IQCM: variants seen among roughly 807,000 people sequenced by gnomAD.
The protein encoded by IQCM is IQ motif containing M, also known as IQ domain-containing protein M.
In IQCM, 45 loss-of-function variants were observed where a neutral mutation model predicts 57.6. The ratio of observed to expected loss-of-function variants is 0.78; its 90% CI spans 0.62 to 1.00. The LOEUF is 1.00. Among genes scored for constraint, IQCM ranks in the 50% least tolerant of loss-of-function variants. IQCM has a pLI of 0.00. For missense variants in IQCM, 468 were observed against 511.6 expected (o/e 0.91, Z 0.82); for synonymous variants, 148 against 158.9 (o/e 0.93, Z 0.51).
chr4:149,717,687 G>A (rs140049751), intron 5 of IQCM, among the ~76,000 whole-genome samples: 202 of 152,282 alleles, frequency 1.3e-3, no homozygotes, highest in Admixed American at 3.8e-3. Flanking sequence ...AAATGTTAAT[G>A]GGTGAGGTTG....
chr4:149,493,676 T>G (rs187284130), intron 12 of IQCM, among the ~76,000 whole-genome samples: 1 of 152,218 alleles, frequency 6.6e-6, no homozygotes, highest in East Asian at 1.9e-4. Flanking sequence ...TACCCTTAGG[T>G]GACCTCTGCA....
chr4:149,453,639 G>A (rs1737368064), intron 12 of IQCM, among the ~76,000 whole-genome samples: 1 of 151,800 alleles, frequency 6.6e-6, no homozygotes, highest in Non-Finnish European at 1.5e-5. Flanking sequence ...TAGTCATCAG[G>A]TAAAGGTAAA....
intron 2 of IQCM, among the ~76,000 whole-genome samples, chr4:149,789,109 C>T (rs547317275): frequency 6.6e-6 from 1 of 152,134 alleles, no homozygotes; most frequent in South Asian, 2.1e-4. Context: ...CTATAGTTAA[C>T]AACAATGTAT....
intron 2 of IQCM, among the ~76,000 whole-genome samples, chr4:149,784,557 A>T (rs937378305): frequency 2.6e-5 from 4 of 152,084 alleles, no homozygotes; most frequent in African/African-American, 7.2e-5. Context: ...CTGGGACTAC[A>T]GGTGCCCGCC....
At chr4:149,414,229 A>C (rs1733587591) in intron 13 of IQCM, among the ~76,000 whole-genome samples, 1 of 152,168 alleles carries the variant, frequency 6.6e-6, no homozygotes, top group South Asian at 2.1e-4. Flanking sequence ...TCCTCTCTTC[A>C]TCCAATTGCT....
chr4:149,554,710 T>C (rs1348092313), intron 10 of IQCM, among the ~76,000 whole-genome samples: 2 of 151,882 alleles, frequency 1.3e-5, no homozygotes, highest in African/African-American at 4.8e-5. Context: ...TTCTTTCTTT[T>C]TTTTTTTGAG....
chr4:149,605,843 TG>T (rs926537118), intron 8 of IQCM, among the ~76,000 whole-genome samples: 22 of 151,818 alleles, frequency 1.4e-4, no homozygotes, highest in African/African-American at 4.4e-4. Context: ...GATTTCTGCT[TG>T]GGGGAAGGCA....
chr4:149,487,569 C>G (rs568145883), intron 12 of IQCM, among the ~76,000 whole-genome samples: 46 of 152,228 alleles, frequency 3.0e-4, no homozygotes, highest in African/African-American at 1.1e-3. Flanking sequence ...GGCACTTCAG[C>G]TCATGGTGGC....
At chr4:149,508,880 G>C (rs1159128689) in intron 12 of IQCM, among the ~76,000 whole-genome samples, 1 of 152,184 alleles carries the variant, frequency 6.6e-6, no homozygotes, top group Non-Finnish European at 1.5e-5. Context: ...GGAGGCAATT[G>C]AATCGTGGGG....
chr4:149,391,571 T>C (rs1048901618), intron 13 of IQCM, among the ~76,000 whole-genome samples: 2 of 151,944 alleles, frequency 1.3e-5, no homozygotes, highest in African/African-American at 2.4e-5. Flanking sequence ...TCTGGATTCA[T>C]AAGGTAGAAA....
At chr4:149,797,609 G>C (rs1773227194) in intron 2 of IQCM, among the ~76,000 whole-genome samples, 1 of 151,892 alleles carries the variant, frequency 6.6e-6, no homozygotes, top group Non-Finnish European at 1.5e-5. Flanking sequence ...TTAATACAAA[G>C]AAGACTACTT....
intron 7 of IQCM, among the ~76,000 whole-genome samples, chr4:149,650,781 G>A (rs974516350): frequency 1.3e-5 from 2 of 152,054 alleles, no homozygotes; most frequent in African/African-American, 4.8e-5. Flanking sequence ...CATCTTTTGC[G>A]GAAGTTTTAA....
intron 2 of IQCM, among the ~76,000 whole-genome samples, chr4:149,774,599 T>C (rs567352665): frequency 5.9e-4 from 89 of 152,050 alleles, no homozygotes; most frequent in African/African-American, 2.1e-3. Context: ...CCTATGCAAA[T>C]CAGACATGGC....
intron 2 of IQCM, among the ~76,000 whole-genome samples, chr4:149,763,848 C>CA (rs985990294): frequency 6.7e-6 from 1 of 148,416 alleles, no homozygotes; most frequent in African/African-American, 2.5e-5. Context: ...GAACAGGGAA[C>CA]TTTTTTTTTT....
At chr4:149,507,201 G>A (rs562947991) in intron 12 of IQCM, among the ~76,000 whole-genome samples, 2 of 152,246 alleles carry the variant, frequency 1.3e-5, no homozygotes, top group Non-Finnish European at 2.9e-5. Flanking sequence ...GCCCAGTCTT[G>A]GGTATGCCTT....
At chr4:149,667,933 G>A (rs934161183) in intron 7 of IQCM, among the ~76,000 whole-genome samples, 1 of 152,060 alleles carries the variant, frequency 6.6e-6, no homozygotes, top group Non-Finnish European at 1.5e-5. Flanking sequence ...TATGTGAAAA[G>A]ACCAAAACTA....
intron 13 of IQCM, among the ~76,000 whole-genome samples, chr4:149,406,280 C>A (rs1732975135): frequency 6.6e-6 from 1 of 151,982 alleles, no homozygotes; most frequent in Admixed American, 6.6e-5. Context: ...GATATGGTGA[C>A]AAATGCTAGG....
chr4:149,661,184 C>A (rs2150154616), intron 7 of IQCM, among the ~76,000 whole-genome samples: 1 of 152,064 alleles, frequency 6.6e-6, no homozygotes, highest in East Asian at 1.9e-4. Flanking sequence ...TGAATTTTGT[C>A]AAATGCTTTT....
At chr4:149,413,849 A>G (rs1424319297) in intron 13 of IQCM, among the ~76,000 whole-genome samples, 1 of 152,204 alleles carries the variant, frequency 6.6e-6, no homozygotes, top group Admixed American at 6.6e-5. Context: ...ATTCACTGAA[A>G]TGTTGACATG....
Sources: allele counts gnomAD v4.1 joint callset (sites outside exome capture counted in the v4.1 genomes callset), GRCh38; gene constraint gnomAD v4.1.1; transcripts MANE v1.5; gene names NCBI Gene and HGNC (gene_info 2026-07-23, HGNC 2026-07-21).